TIAM2: variants seen among roughly 807,000 people sequenced by gnomAD.
The protein encoded by TIAM2 is TIAM Rac1 associated GEF 2.
A neutral mutation model predicts 152.9 loss-of-function variants in TIAM2; 80 were observed. The ratio of observed to expected loss-of-function variants is 0.52; its 90% CI spans 0.44 to 0.63. The LOEUF is 0.63. Among genes scored for constraint, TIAM2 ranks in the 30% least tolerant of loss-of-function variants. The probability of loss-of-function intolerance (pLI) is 0.00; values close to 1 mark genes in which losing one functional copy is unlikely to be tolerated. For synonymous variants in TIAM2, 804 were observed against 838.0 expected, an observed-to-expected ratio of 0.96 and a Z score of 0.70; for missense variants, 1,965 against 2,120.1, an observed-to-expected ratio of 0.93 and a Z score of 1.44.
chr6:155,136,917 G>T (rs924603577), intron 4 of TIAM2, among the ~76,000 whole-genome samples: 2 of 152,160 alleles, frequency 1.3e-5, no homozygotes, highest in Non-Finnish European at 2.9e-5. Context: ...CTAAGCATAG[G>T]TTAGATTTAG....
At chr6:155,057,646 A>G (rs1053973517) in intron 1 of TIAM2, among the ~76,000 whole-genome samples, 2 of 146,762 alleles carry the variant, frequency 1.4e-5, no homozygotes, top group Non-Finnish European at 3.0e-5. Flanking sequence ...CCCAGGTTCA[A>G]GTGATTCTTC....
intron 1 of TIAM2, among the ~76,000 whole-genome samples, chr6:155,044,643 C>T (rs1287047608): frequency 2.0e-5 from 3 of 151,972 alleles, no homozygotes; most frequent in African/African-American, 4.8e-5. Context: ...GGTGAAACCC[C>T]GTCTCTACTA....
chr6:155,190,506 A>G (rs867440662), intron 14 of TIAM2, among the ~76,000 whole-genome samples: 1 of 152,220 alleles, frequency 6.6e-6, no homozygotes, highest in South Asian at 2.1e-4. Flanking sequence ...GGGAGGGGAC[A>G]CCCCATGGCA....
At chr6:155,239,272 T>C (rs1005395159) in intron 15 of TIAM2, among the ~76,000 whole-genome samples, 6 of 152,212 alleles carry the variant, frequency 3.9e-5, no homozygotes, top group African/African-American at 1.2e-4. Context: ...TGTTAATGGA[T>C]GCCAGTCATT....
At position 155,028,363 on chromosome 6, in the gene TIAM2, TATA is replaced by T. The variant is rs1337113394; in HGVS notation, c.-209+32875_-209+32877del. Reference sequence around the variant, plus strand: ...TATACTGTGTTACATATATACTACATATAATATATATACTGTGTTACATATATA... The same window carrying T: ...TATACTGTGTTACATATATACTACATATATATATACTGTGTTACATATATA... On this transcript the variant is annotated intron_variant, in intron 1 of 26. Coordinates refer to ENST00000682666, the MANE Select transcript of TIAM2 (RefSeq NM_012454.4). Among the ~76,000 whole-genome samples, 115 of 111,166 alleles carry T rather than the reference TATA, an allele frequency of 1.0e-3. 6 individuals carry two copies. The highest frequency in any genetic ancestry group is 3.7e-3 in the East Asian group (17 of 4,592). 72.9% of individuals were successfully genotyped at this position (111,166 alleles called of 152,430 possible).
intron 7 of TIAM2, 120 bp from the exon 8 acceptor site, chr6:155,164,295 A>T: frequency 4.5e-6 from 4 of 897,556 alleles, no homozygotes; most frequent in Non-Finnish European, 6.5e-6. Context: ...AGGCTAATTT[A>T]AACCATGCAG....
intron 14 of TIAM2, among the ~76,000 whole-genome samples, chr6:155,191,672 G>A (rs1416722652): frequency 6.6e-6 from 1 of 152,100 alleles, no homozygotes; most frequent in African/African-American, 2.4e-5. Flanking sequence ...CACACCTGTA[G>A]TTCAAGCTAT....
intron 9 of TIAM2, among the ~76,000 whole-genome samples, chr6:155,172,694 T>A (rs1165804558): frequency 3.7e-3 from 198 of 53,556 alleles, no homozygotes; most frequent in African/African-American, 7.9e-3. Context: ...ATATTTTTTT[T>A]TTTTTTTTTT....
intron 1 of TIAM2, among the ~76,000 whole-genome samples, chr6:155,070,209 CTTTTTTTTTTTTT>C (rs559307371): frequency 6.8e-5 from 3 of 44,146 alleles, no homozygotes; most frequent in East Asian, 6.0e-4. Flanking sequence ...CCTGGCCAGA[CTTTTTTTTTTTTT>C]TTTTTTTTTT....
intron 2 of TIAM2, among the ~76,000 whole-genome samples, chr6:155,112,110 C>T (rs942305347): frequency 5.3e-5 from 8 of 150,478 alleles, no homozygotes; most frequent in Non-Finnish European, 1.0e-4. Context: ...GTGCCACATA[C>T]TCTCTTGGTT....
At chr6:155,047,256 G>A (rs2114916510) in intron 1 of TIAM2, among the ~76,000 whole-genome samples, 1 of 152,294 alleles carries the variant, frequency 6.6e-6, no homozygotes, top group Non-Finnish European at 1.5e-5. Context: ...TTAGCTCACA[G>A]CAACCTCCAC....
At chr6:155,000,213 C>T (rs2475863) in intron 1 of TIAM2, among the ~76,000 whole-genome samples, 150,125 of 152,290 alleles carry the variant, frequency 0.99, 74,012 homozygotes, top group East Asian at 1. Flanking sequence ...AAACATGTAT[C>T]GAGTGAGCCC....
At chr6:155,113,669 A>G (rs1289218024) in intron 2 of TIAM2, among the ~76,000 whole-genome samples, 1 of 152,140 alleles carries the variant, frequency 6.6e-6, no homozygotes, top group East Asian at 1.9e-4. Context: ...GGTTGTAGTG[A>G]GCCGAGATCA....
rs17085981 is a variant in TIAM2, at chr6:155,137,548, G to A, written c.1566G>A (p.Gln522=). The stretch of plus-strand genomic sequence containing the variant: ...TCTTCAAGCCCCTGGTCACTGTGCA[G>A]AAGGAAAGGAAGCTTGAGCTGGTGG... ...WLFFKPLVTV[Q]KERKLELVAR... Residue 522 remains glutamine, a synonymous_variant, in exon 5 of 27, where the codon CAG becomes CAA. Coordinates refer to ENST00000682666, the MANE Select transcript of TIAM2 (RefSeq NM_012454.4). The A allele has an allele frequency of 8.9e-4, 1,430 of 1,612,954 alleles. 21 individuals carry two copies. In the African/African-American group the frequency reaches 0.018, roughly 20 times the overall value.
At chr6:155,029,937 C>T (rs1776792248) in intron 1 of TIAM2, among the ~76,000 whole-genome samples, 1 of 151,652 alleles carries the variant, frequency 6.6e-6, no homozygotes, top group Non-Finnish European at 1.5e-5. Context: ...GGACCACAGG[C>T]ATGCGCCACT....
chr6:155,037,616 C>T (rs1476254977), intron 1 of TIAM2, among the ~76,000 whole-genome samples: 1 of 152,104 alleles, frequency 6.6e-6, no homozygotes, highest in Admixed American at 6.6e-5. Context: ...GCAACCTCTG[C>T]CTCCCAGGTT....
intron 14 of TIAM2, among the ~76,000 whole-genome samples, chr6:155,197,180 G>C (rs974663434): frequency 6.6e-6 from 1 of 152,210 alleles, no homozygotes; most frequent in Non-Finnish European, 1.5e-5. Context: ...GGAAACTGCC[G>C]AATGAAAGGA....
At chr6:155,081,236 G>A (rs776102332) in intron 1 of TIAM2, among the ~76,000 whole-genome samples, 36 of 152,140 alleles carry the variant, frequency 2.4e-4, no homozygotes, top group African/African-American at 7.5e-4. Context: ...TTCTGTGACC[G>A]CAGAAATGAC....
At chr6:155,154,800 G>C (rs1189521324) in intron 7 of TIAM2, among the ~76,000 whole-genome samples, 1 of 152,150 alleles carries the variant, frequency 6.6e-6, no homozygotes, top group Non-Finnish European at 1.5e-5. Flanking sequence ...GCACTTGCTG[G>C]TAGGGTTCAG....
Sources: allele counts gnomAD v4.1 joint callset (sites outside exome capture counted in the v4.1 genomes callset), GRCh38; gene constraint gnomAD v4.1.1; transcripts MANE v1.5; gene names NCBI Gene and HGNC (gene_info 2026-07-23, HGNC 2026-07-21).